PRKCZ: variants seen among roughly 807,000 people sequenced by gnomAD.
PRKCZ encodes protein kinase C zeta type.
Under a neutral mutation model 79.5 loss-of-function variants are expected in PRKCZ, and 33 were observed. The ratio of observed to expected loss-of-function variants is 0.41; its 90% CI spans 0.31 to 0.55. The LOEUF is 0.55. PRKCZ is among the 20% of genes least tolerant of loss of function. The pLI, the probability that PRKCZ is intolerant of heterozygous loss-of-function variation, is 0.19. For synonymous variants in PRKCZ, 342 were observed against 320.9 expected (o/e 1.07, Z -0.70); for missense variants, 578 against 813.5 (o/e 0.71, Z 3.52).
At chr1:2,064,490 T>C (rs1660961269) in intron 4 of PRKCZ, among the ~76,000 whole-genome samples, 1 of 152,254 alleles carries the variant, frequency 6.6e-6, no homozygotes, top group South Asian at 2.1e-4. Context: ...CTAAGGATTT[T>C]ATAATTTTAG....
At chr1:2,100,906 C>T (rs1489709565) in intron 4 of PRKCZ, among the ~76,000 whole-genome samples, 1 of 151,994 alleles carries the variant, frequency 6.6e-6, no homozygotes, top group Non-Finnish European at 1.5e-5. Flanking sequence ...GGAGGCTGTC[C>T]CTATATGATG....
intron 1 of PRKCZ, among the ~76,000 whole-genome samples, chr1:2,052,081 C>T (rs1021567443): frequency 6.6e-6 from 1 of 152,180 alleles, no homozygotes; most frequent in South Asian, 2.1e-4. Context: ...GGGACCTGGG[C>T]TTCCTGTCTC....
chr1:2,065,389 G>A (rs899108856), intron 4 of PRKCZ, among the ~76,000 whole-genome samples: 3 of 152,116 alleles, frequency 2.0e-5, no homozygotes, highest in Non-Finnish European at 4.4e-5. Context: ...AATAAAAGTG[G>A]TGTGATCGGC....
chr1:2,116,942 G>T (rs1670866595), intron 4 of PRKCZ, among the ~76,000 whole-genome samples: 1 of 152,006 alleles, frequency 6.6e-6, no homozygotes, highest in Non-Finnish European at 1.5e-5. Context: ...TTTGATTGGG[G>T]TTTTTTTGGC....
intron 4 of PRKCZ, among the ~76,000 whole-genome samples, chr1:2,063,179 C>T (rs1477727942): frequency 1.3e-5 from 2 of 152,146 alleles, no homozygotes; most frequent in Non-Finnish European, 2.9e-5. Context: ...AGTGGACACA[C>T]GGGTGACTTC....
intron 6 of PRKCZ, chr1:2,144,618 A>T: frequency 7.9e-7 from 1 of 1,265,938 alleles, no homozygotes. Context: ...AGTGGGTCGG[A>T]GGTAAGGTTC....
chr1:2,178,264 CAT>C lies in PRKCZ; in HGVS notation c.1575+2952_1575+2953del, dbSNP rs892984600. On this transcript the variant is annotated intron_variant, in intron 16 of 17. Coordinates refer to ENST00000378567, the MANE Select transcript of PRKCZ (RefSeq NM_002744.6). The surrounding 1 kb of genome is among the most constrained non-coding windows in gnomAD (Gnocchi z 4.3). ...GCTGTGTGGCTCTGCCTGGTCTGCA[CAT>C]GTCATGGAAGTGGACCTGGGCACAC... 3.3e-5 allele frequency among the ~76,000 whole-genome samples: 5 copies of C among 152,216 alleles called. No homozygotes were observed. The highest frequency in any genetic ancestry group is 7.2e-5 in the African/African-American group (3 of 41,454).
intron 16 of PRKCZ, among the ~76,000 whole-genome samples, chr1:2,175,730 C>A (rs150388371): frequency 6.6e-6 from 1 of 152,142 alleles, no homozygotes; most frequent in East Asian, 1.9e-4. Context: ...AATGGGGGAC[C>A]ACCCTCCAGG....
In PRKCZ at chr1:2,056,494, C is replaced by T; in HGVS notation, c.204C>T (p.Cys68=). 1 of 1,613,856 alleles carries T rather than the reference C, an allele frequency of 6.2e-7. No homozygotes were observed. Among genetic ancestry groups the T allele is most frequent in the Non-Finnish European group, 8.5e-7 (1 of 1,179,922 alleles). ...TCCTGCCCCACCCAGGTGACCCTTG[C>T]ACGGTGTCCTCCCAGATGGAGCTGG... ...LKWVDSEGDP[C]TVSSQMELEE... Residue 68 remains cysteine, a synonymous_variant, in exon 3 of 18, where the codon TGC becomes TGT. Transcript: ENST00000378567.
At chr1:2,175,663 G>C (rs1348905811) in intron 16 of PRKCZ, among the ~76,000 whole-genome samples, 5 of 151,922 alleles carry the variant, frequency 3.3e-5, no homozygotes, top group African/African-American at 1.2e-4. Flanking sequence ...GCTGGTCTTT[G>C]ACATGGCCCC....
At chr1:2,086,578 A>C (rs1325339690) in intron 4 of PRKCZ, among the ~76,000 whole-genome samples, 2 of 152,086 alleles carry the variant, frequency 1.3e-5, no homozygotes, top group African/African-American at 2.4e-5. Context: ...TTTCTGCTCC[A>C]GGCTGGACCT....
At chr1:2,123,534 G>A (rs1672969118) in intron 4 of PRKCZ, among the ~76,000 whole-genome samples, 1 of 7,872 alleles carries the variant, frequency 1.3e-4, no homozygotes, top group Non-Finnish European at 2.0e-4. Flanking sequence ...GCGGTGGTTA[G>A]GGTTGTGGTG....
Position 2,175,346 on chromosome 1 carries a change from TCCCCATCCCAACCCCAAATCTACCCAAC to T in PRKCZ, c.1575+51_1575+78del, listed in dbSNP as rs768557023. On this transcript the variant is annotated intron_variant, in intron 16 of 17. Coordinates refer to ENST00000378567, the MANE Select transcript of PRKCZ (RefSeq NM_002744.6). Reference sequence around the variant, plus strand: ...ATCACAAAGCCTATTTGCACCCCCATCCCCATCCCAACCCCAAATCTACCCAACCCCCATCCCAACCCCAACCCCAATA... The same window carrying T: ...ATCACAAAGCCTATTTGCACCCCCATCCCCATCCCAACCCCAACCCCAATA... 301 of 1,557,132 alleles carry T rather than the reference TCCCCATCCCAACCCCAAATCTACCCAAC, an allele frequency of 1.9e-4. No individual in the cohort carries two copies. The African/African-American group carries it at 3.7e-3, about 19-fold the overall frequency.
At chr1:2,078,822 G>T (rs373632936) in intron 4 of PRKCZ, among the ~76,000 whole-genome samples, 30 of 149,212 alleles carry the variant, frequency 2.0e-4, no homozygotes, top group African/African-American at 7.1e-4. Context: ...CTTGTCTTTC[G>T]ATCTTTTTTC....
intron 5 of PRKCZ, among the ~76,000 whole-genome samples, 195 bp downstream of exon 5, chr1:2,135,542 C>G (rs139079224): frequency 6.6e-6 from 1 of 152,178 alleles, no homozygotes; most frequent in Non-Finnish European, 1.5e-5. Flanking sequence ...AAGTGCCCTC[C>G]GGGCCTTTCC....
rs137899398 is a variant in PRKCZ, at chr1:2,146,131, C to T, written c.634+23C>T. ...GAAGTAGGCGCTGCTTTCTTCCGGC[C>T]GGGTAGAGCCTGGGCATCACCTCAC... On this transcript the variant is annotated intron_variant, in intron 7 of 17. Transcript: ENST00000378567. 1.0e-4 allele frequency: 163 copies of T among 1,599,976 alleles called. No homozygotes were observed. In the East Asian group the frequency reaches 2.8e-3, roughly 28 times the overall value.
intron 6 of PRKCZ, 199 bp downstream of exon 6, chr1:2,144,540 G>T: frequency 7.1e-7 from 1 of 1,411,152 alleles, no homozygotes; most frequent in Non-Finnish European, 9.2e-7. Flanking sequence ...CAAGCCCCCG[G>T]CACACTCTGC....
chr1:2,136,029 G>A (rs1676130012), intron 5 of PRKCZ, among the ~76,000 whole-genome samples: 3 of 152,188 alleles, frequency 2.0e-5, no homozygotes, highest in Middle Eastern at 6.8e-3. Flanking sequence ...TCCCCACTGC[G>A]GGACTCCACA....
chr1:2,155,561 T>C (rs1165172958), intron 9 of PRKCZ, among the ~76,000 whole-genome samples: 1 of 150,604 alleles, frequency 6.6e-6, no homozygotes, highest in Non-Finnish European at 1.5e-5. Context: ...GTGATGGTGA[T>C]GACAGTGATG....
Sources: allele counts gnomAD v4.1 joint callset (sites outside exome capture counted in the v4.1 genomes callset), GRCh38; gene constraint gnomAD v4.1.1; non-coding constraint Gnocchi (gnomAD v3.1); transcripts MANE v1.5; gene names NCBI Gene and HGNC (gene_info 2026-07-23, HGNC 2026-07-21).